Variants in METTL4 observed in about 807,000 individuals in gnomAD.
The protein encoded by METTL4 is N(6)-adenine-specific methyltransferase METTL4.
A neutral mutation model predicts 54.0 loss-of-function variants in METTL4; 40 were observed. The ratio of observed to expected loss-of-function variants is 0.74; its 90% CI spans 0.58 to 0.96. The LOEUF is 0.96. Among genes scored for constraint, METTL4 ranks in the 50% least tolerant of loss-of-function variants. The probability of loss-of-function intolerance (pLI) is 0.00; values close to 1 mark genes in which losing one functional copy is unlikely to be tolerated. For missense variants in METTL4, 525 were observed against 549.0 expected, an observed-to-expected ratio of 0.96 and a Z score of 0.44; for synonymous variants, 169 against 183.8, an observed-to-expected ratio of 0.92 and a Z score of 0.65.
chr18:2,539,172 A>T (rs2071956181), intron 8 of METTL4, 27 bp from the exon 9 acceptor site: 1 of 1,573,140 alleles, frequency 6.4e-7, no homozygotes, highest in African/African-American at 1.4e-5. Flanking sequence ...AAAAACACAA[A>T]AATTATTATT....
At chr18:2,548,771 G>A (rs1034136514) in intron 5 of METTL4, among the ~76,000 whole-genome samples, 6 of 152,012 alleles carry the variant, frequency 3.9e-5, no homozygotes, top group African/African-American at 9.7e-5. Context: ...CTTCTTCCCC[G>A]TGGACCGCCA....
chr18:2,540,378 A>G, intron 8 of METTL4: 1 of 980,328 alleles, frequency 1.0e-6, no homozygotes, highest in Non-Finnish European at 1.2e-6. Context: ...AAATCTATCA[A>G]ATTTAGGAAT....
intron 3 of METTL4, among the ~76,000 whole-genome samples, chr18:2,558,963 C>T (rs2072276585): frequency 6.6e-6 from 1 of 152,100 alleles, no homozygotes. Context: ...TTATCAAAAA[C>T]AAAAGTGTCG....
rs918017491 is a variant in METTL4, at chr18:2,552,872, T to C, written c.830-108A>G. ...GATTTCACTACGGACACGAATATAA[T>C]GGAATGCACCAAAGGGATCTGTATA... On this transcript the variant is annotated intron_variant, in intron 4 of 8. Coordinates refer to ENST00000574538, the MANE Select transcript of METTL4 (RefSeq NM_022840.5). 10 of 678,722 alleles carry C rather than the reference T, an allele frequency of 1.5e-5. No homozygotes were observed. The East Asian group carries it at 2.2e-4, about 15-fold the overall frequency. 42.0% of individuals were successfully genotyped at this position (678,722 alleles called of 1,614,324 possible).
At chr18:2,548,208 C>G (rs1194990025) in intron 5 of METTL4, among the ~76,000 whole-genome samples, 1 of 152,130 alleles carries the variant, frequency 6.6e-6, no homozygotes, top group East Asian at 1.9e-4. Flanking sequence ...TACCTCCTGG[C>G]CATAGAGTAT....
At position 2,554,951 on chromosome 18, in the gene METTL4, C is replaced by G; in HGVS notation, c.547G>C (p.Asp183His). Residue 183 changes from aspartate to histidine, a missense_variant, in exon 4 of 9, where the codon GAC becomes CAC. Physicochemically the swap from Asp to His is moderately conservative, Grantham distance 81. Coordinates refer to ENST00000574538, the MANE Select transcript of METTL4 (RefSeq NM_022840.5). The stretch of plus-strand genomic sequence containing the variant: ...AAAGTAATGGGCTTACTACCCTTGT[C>G]CTGTTTTTCAAAAAGTGGATAAAGA... Reference protein sequence around the residue: ...GFLYPLFEKQDKGSKPITLPL... With the variant: ...GFLYPLFEKQHKGSKPITLPL... 1 of 1,614,024 alleles carries G rather than the reference C, an allele frequency of 6.2e-7. No individual in the cohort carries two copies. Among genetic ancestry groups the G allele is most frequent in the Non-Finnish European group, 8.5e-7 (1 of 1,179,934 alleles).
chr18:2,544,222 G>A lies in METTL4; in HGVS notation c.1246C>T (p.Leu416Phe). ...GCAAGCGGTGGCTTATGTGAGTGAAGAGTACAGGGCACGCTGACAATTAAT... is the reference window on the plus strand; with the variant it reads ...GCAAGCGGTGGCTTATGTGAGTGAAAAGTACAGGGCACGCTGACAATTAAT... ...HKLIVSVPCT[L>F]HSHKPPLAEV... The change falls in exon 8 of 9, where the codon CTT becomes TTT. Residue 416 changes from leucine to phenylalanine, a missense_variant. Coordinates refer to ENST00000574538, the MANE Select transcript of METTL4 (RefSeq NM_022840.5). The A allele has an allele frequency of 6.2e-7, 1 of 1,611,296 alleles. No homozygotes were observed.
At chr18:2,567,797 A>G (rs2072443722) in intron 1 of METTL4, 143 bp from the exon 2 acceptor site, 1 of 152,278 alleles carries the variant, frequency 6.6e-6, no homozygotes, top group South Asian at 2.1e-4. Context: ...TGTCATAGTA[A>G]GTCAGCCCAT....
intron 4 of METTL4, chr18:2,553,737 A>G (rs2072196428): frequency 6.6e-6 from 1 of 152,190 alleles, no homozygotes; most frequent in Non-Finnish European, 1.5e-5. Flanking sequence ...GTAAATGTGT[A>G]CAATCTCATA....
intron 3 of METTL4, among the ~76,000 whole-genome samples, chr18:2,563,122 T>C (rs1178097170): frequency 6.6e-6 from 1 of 152,230 alleles, no homozygotes; most frequent in African/African-American, 2.4e-5. Flanking sequence ...TTTATCGCTA[T>C]GTTCTAGAAA....
Position 2,547,508 on chromosome 18 carries a change from C to T in METTL4, c.921G>A (p.Leu307=). The change falls in exon 6 of 9, where the codon CTG becomes CTA. Residue 307 remains leucine (L), a synonymous_variant. Transcript: ENST00000574538. ...TAGGGATAGGTATTTGCTGTATTTG[C>T]AGGGGTGACAAATAACTGTACCTAA... The part of the protein sequence containing the change: ...RSNRYSYLSP[L]QIQQIPIPKL... 2 of 1,586,538 alleles carry T rather than the reference C, an allele frequency of 1.3e-6. No homozygotes were observed. Among genetic ancestry groups the T allele is most frequent in the Non-Finnish European group, 1.7e-6 (2 of 1,169,220 alleles).
rs1243651721 is a variant in METTL4 at position 2,566,883 on chromosome 18, T to C, written c.334A>G (p.Asn112Asp). The change falls in exon 2 of 9, where the codon AAT becomes GAT. Residue 112 changes from asparagine (N) to aspartate (D), a missense_variant. Asn to Asp is a conservative substitution (Grantham distance 23). Transcript: ENST00000574538. ...PAVHKECQQS[N>D]EKEDLMNGVK... is the part of the protein sequence containing the mutation. ...CCATTCATCAGATCTTCCTTTTCAT[T>C]ACTTTGCTGGCATTCTTTATGAACA... The C allele has an allele frequency of 6.2e-7, 1 of 1,611,470 alleles. No individual in the cohort carries two copies. The highest frequency in any genetic ancestry group is 8.5e-7 in the Non-Finnish European group (1 of 1,178,544).
Position 2,538,916 on chromosome 18 carries a change from T to C in METTL4, c.*84A>G. 3.4e-6 allele frequency: 5 copies of C among 1,463,428 alleles called. No homozygotes were observed. The highest frequency in any genetic ancestry group is 1.2e-5 in the South Asian group (1 of 80,006). The allele number at this position is 1,463,428 out of a possible 1,614,324, so 90.7% of individuals were successfully genotyped here. The stretch of plus-strand genomic sequence containing the variant: ...TTTATATTCTAAGAATATGGGTTGG[T>C]AACAAAATAAAAAAATGACTTAGAA... On this transcript the variant is annotated 3_prime_UTR_variant, in exon 9 of 9. Transcript: ENST00000574538.
intron 3 of METTL4, among the ~76,000 whole-genome samples, chr18:2,558,022 A>G (rs939305031): frequency 6.6e-6 from 1 of 152,206 alleles, no homozygotes; most frequent in Non-Finnish European, 1.5e-5. Context: ...TAATGCAAAA[A>G]TCTCTAAAGA....
intron 5 of METTL4, among the ~76,000 whole-genome samples, chr18:2,549,819 T>TAAAAAAAAAA (rs397758263): frequency 6.3e-5 from 5 of 79,066 alleles, no homozygotes; most frequent in African/African-American, 1.3e-4. Context: ...CCATCTCTAC[T>TAAAAAAAAAA]AAAAAAAAAA....
At chr18:2,539,362 T>C (rs939544836) in intron 8 of METTL4, among the ~76,000 whole-genome samples, 49 of 152,174 alleles carry the variant, frequency 3.2e-4, no homozygotes, top group African/African-American at 1.1e-3. Flanking sequence ...TGAACTTCCA[T>C]AGTCCTGGTT....
intron 8 of METTL4, among the ~76,000 whole-genome samples, chr18:2,541,745 TAAAA>T (rs11434085): frequency 2.0e-5 from 3 of 148,376 alleles, no homozygotes; most frequent in East Asian, 2.0e-4. Flanking sequence ...CAATTAAACT[TAAAA>T]AAAAAAAATC....
chr18:2,561,960 T>C (rs747215357), intron 3 of METTL4: 1 of 152,200 alleles, frequency 6.6e-6, no homozygotes, highest in African/African-American at 2.4e-5. Flanking sequence ...ACTGCTCACA[T>C]TGAGGGATTT....
At position 2,544,690 on chromosome 18, in the gene METTL4, G is replaced by A; in HGVS notation, c.1144C>T (p.Leu382=). The A allele has an allele frequency of 6.2e-7, 1 of 1,612,776 alleles. No individual in the cohort carries two copies. Among genetic ancestry groups the A allele is most frequent in the African/African-American group, 1.3e-5 (1 of 74,928 alleles). The change falls in exon 7 of 9, where the codon CTG becomes TTG. Residue 382 remains leucine (L), a synonymous_variant. Coordinates refer to ENST00000574538, the MANE Select transcript of METTL4 (RefSeq NM_022840.5). ...GCAGTTTTTTCTTGAACCCTCCCCA[G>A]TATAAGACCTTCGTAGGGCTTTTTG... ...PHKKPYEGLI[L]GRVQEKTALP...
Sources: gnomAD v4.1 joint callset for allele counts (sites outside exome capture counted in the v4.1 genomes callset) on GRCh38, gnomAD v4.1.1 for gene constraint, MANE v1.5 for transcripts, NCBI Gene and HGNC (gene_info 2026-07-23, HGNC 2026-07-21) for gene names.